HERC5: variants seen among roughly 807,000 people sequenced by gnomAD.
HERC5 encodes E3 ISG15--protein ligase HERC5.
A neutral mutation model predicts 119.6 loss-of-function variants in HERC5; 99 were observed. The observed-to-expected ratio is 0.83, with a 90% CI of 0.70 to 0.98. The LOEUF is 0.98. Ranked by LOEUF, HERC5 falls within the 50% of genes least tolerant of loss-of-function variation. The pLI is 0.00. For synonymous variants in HERC5, 478 were observed against 445.9 expected (o/e 1.07, Z -0.91); for missense variants, 1,267 against 1,241.3 (o/e 1.02, Z -0.31).
chr4:88,479,284 CAAA>C (rs376253040), intron 12 of HERC5, 66 bp from the exon 13 acceptor site: 13,563 of 913,620 alleles, frequency 0.015, no homozygotes, highest in South Asian at 0.027. Context: ...GACTCTGTCT[CAAA>C]AAAAAAAAAA....
At chr4:88,479,939 C>T (rs1044661689) in intron 13 of HERC5, among the ~76,000 whole-genome samples, 1 of 151,818 alleles carries the variant, frequency 6.6e-6, no homozygotes, top group South Asian at 2.1e-4. Flanking sequence ...TGGTGGCGGG[C>T]GCCTGTAGTC....
At position 88,499,358 on chromosome 4, in the gene HERC5, T is replaced by G. The variant is rs919135759; in HGVS notation, c.2445-568T>G. ...TTTCAAAAGCATGTATAAAGCATCA[T>G]AGGATGATAGGATGGAAATAATTTA... On this transcript the variant is annotated intron_variant, in intron 18 of 22. Coordinates refer to ENST00000264350, the MANE Select transcript of HERC5 (RefSeq NM_016323.4). Among the ~76,000 whole-genome samples the G allele has an allele frequency of 2.0e-5, 3 of 152,212 alleles. No homozygotes were observed. The East Asian group carries it at 5.8e-4, about 29-fold the overall frequency.
intron 4 of HERC5, 58 bp downstream of exon 4, chr4:88,462,414 A>G: frequency 1.4e-6 from 2 of 1,387,426 alleles, no homozygotes; most frequent in Non-Finnish European, 2.0e-6. Context: ...AGATGAATTT[A>G]ATGGACCTCC....
Position 88,504,297 on chromosome 4 carries a change from A to AAT in HERC5, c.2649_2650dup (p.Phe884TyrfsTer23). On this transcript the variant is annotated frameshift_variant, in exon 21 of 23. Transcript: ENST00000264350. LOFTEE classifies it high-confidence loss of function. ...GACTCTGTAAAGGCGGTTTATGAAG[A>AAT]ATTTCGGAGAGGATTTTATAAAATG... 1 of 1,613,062 alleles carries AAT rather than the reference A, an allele frequency of 6.2e-7. No individual in the cohort carries two copies. Among genetic ancestry groups the AAT allele is most frequent in the Non-Finnish European group, 8.5e-7 (1 of 1,179,106 alleles).
At chr4:88,466,969 G>T in intron 6 of HERC5, 90 bp from the exon 7 acceptor site, 1 of 1,262,580 alleles carries the variant, frequency 7.9e-7, no homozygotes, top group Middle Eastern at 1.9e-4. Context: ...CTCTCACTGG[G>T]TAACATAGTT....
chr4:88,468,957 G>A (rs796553772), intron 8 of HERC5, among the ~76,000 whole-genome samples, 200 bp from the exon 9 acceptor site: 9 of 152,284 alleles, frequency 5.9e-5, no homozygotes, highest in African/African-American at 2.2e-4. Flanking sequence ...TTTACTTTCA[G>A]TCTAAGCCCC....
chr4:88,475,533 GGTCAC>G (rs1379334171), intron 11 of HERC5, among the ~76,000 whole-genome samples: 1 of 151,780 alleles, frequency 6.6e-6, no homozygotes, highest in East Asian at 1.9e-4. Flanking sequence ...TGGTCAAGAT[GGTCAC>G]GATCTCCTGA....
chr4:88,457,134 G>C lies in HERC5; in HGVS notation c.-136G>C. Reference sequence around the variant, plus strand: ...GCAGGGGCTCAGTAGCTGAGGCTGCGGTTCCCCGACGCCACGCAGCTGCGC... The same window carrying C: ...GCAGGGGCTCAGTAGCTGAGGCTGCCGTTCCCCGACGCCACGCAGCTGCGC... On this transcript the variant is annotated 5_prime_UTR_variant, in exon 1 of 23. Coordinates refer to ENST00000264350, the MANE Select transcript of HERC5 (RefSeq NM_016323.4). 1.6e-6 allele frequency: 2 copies of C among 1,232,162 alleles called. No homozygotes were observed. The highest frequency in any genetic ancestry group is 2.0e-6 in the Non-Finnish European group (2 of 987,728). 76.3% of individuals were successfully genotyped at this position (1,232,162 alleles called of 1,614,324 possible).
intron 11 of HERC5, chr4:88,473,610 G>A (rs1315957493): frequency 6.6e-6 from 1 of 152,152 alleles, no homozygotes; most frequent in Non-Finnish European, 1.5e-5. Context: ...AACACTTAGT[G>A]CTGCCTGTAT....
intron 13 of HERC5, 130 bp downstream of exon 13, chr4:88,479,637 T>A: frequency 1.8e-6 from 1 of 570,110 alleles, no homozygotes; most frequent in Non-Finnish European, 2.8e-6. Flanking sequence ...TTTTAATTTT[T>A]TTTTAAAATT....
chr4:88,463,425 A>G, intron 4 of HERC5, 107 bp from the exon 5 acceptor site: 1 of 696,676 alleles, frequency 1.4e-6, no homozygotes. Flanking sequence ...TTGTCAGAAT[A>G]TCATGAGAAC....
At chr4:88,493,252 G>T in intron 17 of HERC5, 97 bp downstream of exon 17, 1 of 999,066 alleles carries the variant, frequency 1.0e-6, no homozygotes, top group Non-Finnish European at 1.5e-6. Context: ...CATGTTAGAA[G>T]AGGAGTATTG....
At chr4:88,489,510 C>T (rs965549853) in intron 16 of HERC5, among the ~76,000 whole-genome samples, 174 bp downstream of exon 16, 1 of 152,092 alleles carries the variant, frequency 6.6e-6, no homozygotes, top group African/African-American at 2.4e-5. Flanking sequence ...GCTGTGGGCA[C>T]TCACTCAGTA....
chr4:88,459,553 C>T lies in HERC5; in HGVS notation c.389+83C>T, dbSNP rs969520711. 37 of 909,612 alleles carry T rather than the reference C, an allele frequency of 4.1e-5. No individual in the cohort carries two copies. In the Middle Eastern group the frequency reaches 1.3e-3, roughly 32 times the overall value. 56.3% of individuals were successfully genotyped at this position (909,612 alleles called of 1,614,324 possible). On this transcript the variant is annotated intron_variant, in intron 2 of 22. Transcript: ENST00000264350. ...TCTGTAGGAAATATCTGATTCTTGT[C>T]CCCTGCTTTATATAGTAGCATCTTA... is the stretch of plus-strand genomic sequence containing the variant.
chr4:88,465,012 C>T (rs559882831), intron 6 of HERC5, among the ~76,000 whole-genome samples: 2 of 152,244 alleles, frequency 1.3e-5, no homozygotes, highest in East Asian at 3.9e-4. Flanking sequence ...CCTTGTGATC[C>T]ACCTGCCTCG....
intron 18 of HERC5, among the ~76,000 whole-genome samples, chr4:88,494,620 G>A (rs1482189686): frequency 6.6e-6 from 1 of 152,204 alleles, no homozygotes; most frequent in African/African-American, 2.4e-5. Flanking sequence ...AAATCTGCTA[G>A]TGATATTTAT....
intron 18 of HERC5, among the ~76,000 whole-genome samples, chr4:88,498,036 A>G (rs1422658069): frequency 6.6e-6 from 1 of 152,168 alleles, no homozygotes; most frequent in East Asian, 1.9e-4. Context: ...CAGTGGCCCC[A>G]GGTGTGGTGT....
In HERC5 at chr4:88,505,736, G is replaced by T. The variant is rs1411664508; in HGVS notation, c.2933G>T (p.Cys978Phe). The change falls in exon 23 of 23, where the codon TGC (cysteine) becomes TTC (phenylalanine). Residue 978 changes from cysteine (C) to phenylalanine (F), a missense_variant. Around this residue, in one of 3 missense-constraint regions of HERC5, gnomAD observed 473 missense variants for 445.7 expected, o/e 1.06. Coordinates refer to ENST00000264350, the MANE Select transcript of HERC5 (RefSeq NM_016323.4). ...TTAAATAATATGAAAATAACATTTT[G>T]CTGTCCTGAAAGTTGGAATGAAAGA... ...KDLNNMKITF[C>F]CPESWNERDP... The T allele has an allele frequency of 6.2e-7, 1 of 1,600,022 alleles. No homozygotes were observed. Among genetic ancestry groups the T allele is most frequent in the East Asian group, 2.2e-5 (1 of 44,790 alleles).
Position 88,472,256 on chromosome 4 carries a change from A to ATGT in HERC5, c.1299-151_1299-149dup, listed in dbSNP as rs1379192683. Among the ~76,000 whole-genome samples the ATGT allele has an allele frequency of 3.9e-5, 6 of 152,344 alleles. No individual in the cohort carries two copies. The South Asian group carries it at 8.3e-4, about 21-fold the overall frequency. On this transcript the variant is annotated intron_variant, in intron 10 of 22. Transcript: ENST00000264350. Reference sequence around the variant, plus strand: ...ATTTTTTGGTATTTTAGAAAAAATCATGTTTACTACATTGCATTTGGATTT... The same window carrying ATGT: ...ATTTTTTGGTATTTTAGAAAAAATCATGTTGTTTACTACATTGCATTTGGATTT...
Sources: gnomAD v4.1 joint callset for allele counts (sites outside exome capture counted in the v4.1 genomes callset) on GRCh38, gnomAD v4.1.1 for gene constraint, gnomAD v4.1.1 regional missense constraint, MANE v1.5 for transcripts, NCBI Gene and HGNC (gene_info 2026-07-23, HGNC 2026-07-21) for gene names.